Variants in IMPG1 observed in about 807,000 individuals in gnomAD.
IMPG1 encodes interphotoreceptor matrix proteoglycan of 150 kDa.
Under a neutral mutation model 92.0 loss-of-function variants are expected in IMPG1, and 85 were observed. That is an observed-to-expected ratio of 0.92 (90% CI 0.78 to 1.11). IMPG1 has a LOEUF of 1.11. Among genes scored for constraint, IMPG1 ranks in the 50% least tolerant of loss-of-function variants. The probability of loss-of-function intolerance (pLI) is 0.00; values close to 1 mark genes in which losing one functional copy is unlikely to be tolerated. For synonymous variants in IMPG1, 367 were observed against 334.1 expected (o/e 1.10, Z -1.08); for missense variants, 1,022 against 956.0 (o/e 1.07, Z -0.91).
At chr6:75,989,304 A>G (rs1782775957) in intron 12 of IMPG1, among the ~76,000 whole-genome samples, 1 of 152,190 alleles carries the variant, frequency 6.6e-6, no homozygotes, top group African/African-American at 2.4e-5. Flanking sequence ...ATCTATTTAA[A>G]TTTAACACAC....
At chr6:75,944,700 T>C (rs562989791) in intron 14 of IMPG1, among the ~76,000 whole-genome samples, 30 of 152,372 alleles carry the variant, frequency 2.0e-4, no homozygotes, top group African/African-American at 7.0e-4. Flanking sequence ...GTGCTTAGTG[T>C]AACATTCAGT....
chr6:75,960,774 A>G (rs745398836), intron 12 of IMPG1, among the ~76,000 whole-genome samples: 3 of 152,242 alleles, frequency 2.0e-5, no homozygotes, highest in Non-Finnish European at 4.4e-5. Context: ...TACAATAGGA[A>G]AGTCAAACAC....
Position 76,025,184 on chromosome 6 carries a change from C to T in IMPG1, c.562+10G>A, listed in dbSNP as rs887059710. 4 of 1,547,654 alleles carry T rather than the reference C, an allele frequency of 2.6e-6. No individual in the cohort carries two copies. Among genetic ancestry groups the T allele is most frequent in the South Asian group, 2.3e-5 (2 of 87,920 alleles). ...AAGTTGAGAAGCAAAGAAATTAGAT[C>T]TAAGCTTACCTGTTGAAATGACAAT... On this transcript the variant is annotated intron_variant, in intron 5 of 16. Transcript: ENST00000369950.
intron 15 of IMPG1, among the ~76,000 whole-genome samples, chr6:75,928,294 G>A (rs969081533): frequency 6.6e-6 from 1 of 151,904 alleles, no homozygotes; most frequent in Non-Finnish European, 1.5e-5. Context: ...CCACCTCCTG[G>A]GTTCAAGTGA....
At chr6:75,978,270 G>C (rs1310004470) in intron 12 of IMPG1, among the ~76,000 whole-genome samples, 1 of 151,926 alleles carries the variant, frequency 6.6e-6, no homozygotes, top group Non-Finnish European at 1.5e-5. Flanking sequence ...TGTATGTTTG[G>C]CTCCATTTCA....
chr6:75,922,522 G>C (rs1031484592), intron 16 of IMPG1, among the ~76,000 whole-genome samples: 1 of 152,164 alleles, frequency 6.6e-6, no homozygotes, highest in African/African-American at 2.4e-5. Flanking sequence ...TGTCAACACA[G>C]AAATCCACAT....
At chr6:76,049,482 C>T (rs182654540) in intron 1 of IMPG1, among the ~76,000 whole-genome samples, 282 of 152,278 alleles carry the variant, frequency 1.9e-3, no homozygotes, top group African/African-American at 6.5e-3. Flanking sequence ...CTCTGTCTCT[C>T]TCTCTTTCAT....
chr6:76,003,045 G>T, intron 11 of IMPG1, 49 bp from the exon 12 acceptor site: 1 of 1,364,694 alleles, frequency 7.3e-7, no homozygotes, highest in Non-Finnish European at 1.0e-6. Flanking sequence ...ATGTTTGTAT[G>T]TATATGAGAA....
At chr6:76,053,066 C>T (rs1784068957) in intron 1 of IMPG1, among the ~76,000 whole-genome samples, 1 of 152,206 alleles carries the variant, frequency 6.6e-6, no homozygotes, top group Non-Finnish European at 1.5e-5. Flanking sequence ...CTAATCATCT[C>T]ATCTTTACAT....
chr6:75,990,715 G>A (rs908480612), intron 12 of IMPG1, among the ~76,000 whole-genome samples: 1 of 152,012 alleles, frequency 6.6e-6, no homozygotes, highest in Non-Finnish European at 1.5e-5. Flanking sequence ...AATTCCAGAA[G>A]GTTGCTTAGT....
At chr6:76,002,615 T>C (rs946964798) in intron 12 of IMPG1, among the ~76,000 whole-genome samples, 6 of 152,194 alleles carry the variant, frequency 3.9e-5, no homozygotes, top group Non-Finnish European at 7.3e-5. Flanking sequence ...AGGAGATTGT[T>C]GTTCTGGGTG....
chr6:75,966,550 G>A (rs1035970773), intron 12 of IMPG1, among the ~76,000 whole-genome samples: 12 of 152,058 alleles, frequency 7.9e-5, no homozygotes, highest in African/African-American at 2.7e-4. Context: ...CCTCGACCTT[G>A]GACTTTCCAG....
At position 75,947,699 on chromosome 6, in the gene IMPG1, A is replaced by G. The variant is rs149949442; in HGVS notation, c.1825-166T>C. On this transcript the variant is annotated intron_variant, in intron 13 of 16. Coordinates refer to ENST00000369950, the MANE Select transcript of IMPG1 (RefSeq NM_001563.4). ...TGTGAGACCAGAATGCCACTACTTA[A>G]TGGTTGATTTGCAGTGATTAGTCCC... 7.4e-4 allele frequency among the ~76,000 whole-genome samples: 112 copies of G among 152,082 alleles called. 2 individuals are homozygous for G. The highest frequency in any genetic ancestry group is 5.0e-3 in the Admixed American group (76 of 15,274).
chr6:75,924,952 G>C (rs1781526526), intron 15 of IMPG1, among the ~76,000 whole-genome samples: 1 of 150,314 alleles, frequency 6.7e-6, no homozygotes, highest in African/African-American at 2.5e-5. Context: ...TAGAACAGTA[G>C]TTACCAGAGA....
chr6:76,019,531 A>G (rs1582108592), intron 6 of IMPG1, among the ~76,000 whole-genome samples: 1 of 152,212 alleles, frequency 6.6e-6, no homozygotes, highest in Admixed American at 6.5e-5. Context: ...AAATGGTAGC[A>G]TATGTATTTC....
chr6:76,016,062 C>A (rs1000391156), intron 7 of IMPG1, among the ~76,000 whole-genome samples: 1 of 152,122 alleles, frequency 6.6e-6, no homozygotes, highest in African/African-American at 2.4e-5. Context: ...TACTCACTTA[C>A]AGAATTGCAT....
intron 14 of IMPG1, chr6:75,935,155 C>CA: frequency 2.5e-6 from 1 of 396,450 alleles, no homozygotes; most frequent in Non-Finnish European, 5.3e-6. Context: ...TTAAGCACCC[C>CA]AGCTGATTTC....
chr6:76,067,570 C>T (rs558137474), intron 1 of IMPG1, among the ~76,000 whole-genome samples: 1 of 151,900 alleles, frequency 6.6e-6, no homozygotes, highest in Non-Finnish European at 1.5e-5. Context: ...AATAAGAGCC[C>T]AGGACCAGGT....
chr6:76,025,469 T>C (rs891166664), intron 4 of IMPG1, among the ~76,000 whole-genome samples: 5 of 152,228 alleles, frequency 3.3e-5, no homozygotes, highest in African/African-American at 1.2e-4. Context: ...AAAATGGTTA[T>C]GTTTGACTCC....
Sources: gnomAD v4.1 joint callset for allele counts (sites outside exome capture counted in the v4.1 genomes callset) on GRCh38, gnomAD v4.1.1 for gene constraint, MANE v1.5 for transcripts, NCBI Gene and HGNC (gene_info 2026-07-23, HGNC 2026-07-21) for gene names.